ZNF277: variants seen among roughly 807,000 people sequenced by gnomAD.
The protein encoded by ZNF277 is nuclear receptor-interacting factor 4.
Under a neutral mutation model 60.7 loss-of-function variants are expected in ZNF277, and 55 were observed. The ratio of observed to expected loss-of-function variants is 0.91; its 90% CI spans 0.73 to 1.13. ZNF277 has a LOEUF of 1.13. Ranked by LOEUF, ZNF277 falls within the 50% of genes most tolerant of loss-of-function variation. The pLI is 0.00. For missense variants in ZNF277, 510 were observed against 523.0 expected (o/e 0.98, Z 0.24); for synonymous variants, 178 against 179.3 (o/e 0.99, Z 0.06).
intron 4 of ZNF277, among the ~76,000 whole-genome samples, chr7:112,305,421 G>A (rs947009930): frequency 4.0e-5 from 6 of 151,526 alleles, no homozygotes; most frequent in Admixed American, 1.3e-4. Flanking sequence ...ATTAACTTTA[G>A]CTATCAGCTA....
chr7:112,251,432 G>A (rs1206289412), intron 1 of ZNF277, among the ~76,000 whole-genome samples: 1 of 152,200 alleles, frequency 6.6e-6, no homozygotes, highest in African/African-American at 2.4e-5. Context: ...TTTGAGAAAT[G>A]TTGCTCTCTA....
chr7:112,301,933 A>G (rs569520303), intron 4 of ZNF277, among the ~76,000 whole-genome samples: 2 of 152,244 alleles, frequency 1.3e-5, no homozygotes, highest in Admixed American at 6.6e-5. Flanking sequence ...CAAGGATACA[A>G]TATAGCTGAG....
chr7:112,210,822 C>T (rs1821725186), intron 1 of ZNF277, among the ~76,000 whole-genome samples: 1 of 152,128 alleles, frequency 6.6e-6, no homozygotes, highest in Non-Finnish European at 1.5e-5. Flanking sequence ...TGAACAGTAA[C>T]CAGAATTTCA....
intron 1 of ZNF277, among the ~76,000 whole-genome samples, chr7:112,207,047 G>A (rs898414752): frequency 2.0e-5 from 3 of 152,240 alleles, no homozygotes; most frequent in Non-Finnish European, 4.4e-5. Flanking sequence ...CCATGGAATG[G>A]CCTTCCCCTC....
intron 4 of ZNF277, among the ~76,000 whole-genome samples, chr7:112,300,622 T>C (rs1792452334): frequency 6.6e-6 from 1 of 152,176 alleles, no homozygotes; most frequent in Non-Finnish European, 1.5e-5. Flanking sequence ...ATGAATTGAG[T>C]TCATCCATAG....
intron 1 of ZNF277, among the ~76,000 whole-genome samples, chr7:112,264,438 C>A (rs1210667186): frequency 1.3e-5 from 2 of 152,016 alleles, no homozygotes; most frequent in African/African-American, 4.8e-5. Flanking sequence ...TTCACTGCAA[C>A]TTTATTTATG....
intron 1 of ZNF277, among the ~76,000 whole-genome samples, chr7:112,224,959 A>G (rs967976609): frequency 6.6e-6 from 1 of 152,244 alleles, no homozygotes; most frequent in Non-Finnish European, 1.5e-5. Context: ...CTTGGGCAAC[A>G]TGGCTAGAAC....
At chr7:112,221,004 G>A (rs1020555278) in intron 1 of ZNF277, among the ~76,000 whole-genome samples, 13 of 152,022 alleles carry the variant, frequency 8.6e-5, no homozygotes, top group Non-Finnish European at 7.4e-5. Flanking sequence ...GTTACCGCTC[G>A]AGCTGAGCTT....
chr7:112,299,190 T>C (rs1225425782), intron 4 of ZNF277, among the ~76,000 whole-genome samples: 1 of 152,178 alleles, frequency 6.6e-6, no homozygotes, highest in Non-Finnish European at 1.5e-5. Context: ...ATGAGGTTAG[T>C]GTGGGTGATT....
chr7:112,241,721 G>A (rs1790959013), intron 1 of ZNF277, among the ~76,000 whole-genome samples: 1 of 152,058 alleles, frequency 6.6e-6, no homozygotes, highest in South Asian at 2.1e-4. Flanking sequence ...TGGAATTGGA[G>A]GACATTTTGT....
At position 112,257,170 on chromosome 7, in the gene ZNF277, C is replaced by T. The variant is rs117898186; in HGVS notation, c.92-29703C>T. 1.4e-4 allele frequency among the ~76,000 whole-genome samples: 22 copies of T among 152,254 alleles called. No individual in the cohort carries two copies. In the East Asian group the frequency reaches 2.9e-3, roughly 20 times the overall value. On this transcript the variant is annotated intron_variant, in intron 1 of 11. Transcript: ENST00000361822. The stretch of plus-strand genomic sequence containing the variant: ...ACAATATTACTTGCTGACGCCACAC[C>T]GGATATTTCTAAATTGCTGTATATT...
chr7:112,318,059 G>A (rs1374805627), intron 4 of ZNF277, 123 bp from the exon 5 acceptor site: 2 of 704,516 alleles, frequency 2.8e-6, no homozygotes. Flanking sequence ...AATTTGAAAT[G>A]TTGGCAACTT....
chr7:112,335,457 G>A (rs1793310729), intron 7 of ZNF277, among the ~76,000 whole-genome samples: 1 of 152,102 alleles, frequency 6.6e-6, no homozygotes, highest in South Asian at 2.1e-4. Flanking sequence ...CTGTGACTAG[G>A]CTTGCCAGAC....
At chr7:112,339,013 G>A (rs1481594290) in intron 9 of ZNF277, among the ~76,000 whole-genome samples, 6 of 152,172 alleles carry the variant, frequency 3.9e-5, no homozygotes. Context: ...CAAAAAATAA[G>A]TGCATTGTAA....
At chr7:112,247,093 T>A (rs1791102830) in intron 1 of ZNF277, among the ~76,000 whole-genome samples, 1 of 152,160 alleles carries the variant, frequency 6.6e-6, no homozygotes, top group Admixed American at 6.5e-5. Flanking sequence ...CACTAATCAA[T>A]GTTTTTGTAT....
chr7:112,266,721 T>C (rs1248978920), intron 1 of ZNF277, among the ~76,000 whole-genome samples: 3 of 152,192 alleles, frequency 2.0e-5, no homozygotes, highest in Non-Finnish European at 4.4e-5. Context: ...TTTGAAGTTT[T>C]ATTGTACTAC....
At chr7:112,305,107 A>G (rs1210710460) in intron 4 of ZNF277, among the ~76,000 whole-genome samples, 2 of 152,020 alleles carry the variant, frequency 1.3e-5, no homozygotes, top group Non-Finnish European at 2.9e-5. Flanking sequence ...CTAGAATCTC[A>G]TGAGCTGGGC....
intron 1 of ZNF277, among the ~76,000 whole-genome samples, chr7:112,210,465 GTT>G (rs66533644): frequency 5.6e-4 from 74 of 132,668 alleles, no homozygotes; most frequent in Non-Finnish European, 9.4e-4. Context: ...TTTGTTTTTT[GTT>G]TTTTTTTTTT....
intron 10 of ZNF277, 34 bp downstream of exon 10, chr7:112,339,919 C>G: frequency 6.3e-7 from 1 of 1,598,194 alleles, no homozygotes; most frequent in South Asian, 1.1e-5. Flanking sequence ...TTCTGTGATG[C>G]TTCATTTTTT....
Sources: allele counts gnomAD v4.1 joint callset (sites outside exome capture counted in the v4.1 genomes callset), GRCh38; gene constraint gnomAD v4.1.1; transcripts MANE v1.5; gene names NCBI Gene and HGNC (gene_info 2026-07-23, HGNC 2026-07-21).